TMEM114: variants seen among roughly 807,000 people sequenced by gnomAD.
The protein encoded by TMEM114 is transmembrane protein 114.
Under a neutral mutation model 6.2 loss-of-function variants are expected in TMEM114, and 6 were observed. That is an observed-to-expected ratio of 0.97 (90% CI 0.53 to 1.91). The LOEUF (loss-of-function observed/expected upper bound fraction) is 1.91. TMEM114 is among the 40% of genes most tolerant of loss of function. The probability of loss-of-function intolerance (pLI) is 0.01; values close to 1 mark genes in which losing one functional copy is unlikely to be tolerated. For synonymous variants in TMEM114, 104 were observed against 73.0 expected, an observed-to-expected ratio of 1.42 and a Z score of -2.16; for missense variants, 218 against 158.3, an observed-to-expected ratio of 1.38 and a Z score of -2.02.
Position 8,552,391 on chromosome 16 carries a change from GA to G in TMEM114, n.213-14566del, listed in dbSNP as rs199561635. ...AGAGTGAGACTCTATTTCTTTAAAAGAAAAAAAAAATACTACAAAGGGTAGC... is the reference window on the plus strand; with the variant it reads ...AGAGTGAGACTCTATTTCTTTAAAAGAAAAAAAAATACTACAAAGGGTAGC... On this transcript the variant is annotated intron_variant and non_coding_transcript_variant, in intron 2 of 2. Coordinates refer to the TMEM114 transcript ENST00000623677. Among the ~76,000 whole-genome samples, 204 of 145,660 alleles carry G rather than the reference GA, an allele frequency of 1.4e-3. 1 individual carries two copies. Among genetic ancestry groups the G allele is most frequent in the African/African-American group, 4.5e-3 (177 of 39,750 alleles).
chr16:8,583,662 T>A (rs1337587451), intron 2 of TMEM114, among the ~76,000 whole-genome samples: 1 of 151,822 alleles, frequency 6.6e-6, no homozygotes, highest in Non-Finnish European at 1.5e-5. Flanking sequence ...GCAGGAGAAT[T>A]GCTTGAGCCT....
chr16:8,551,158 A>C (rs558666160), intron 2 of TMEM114, among the ~76,000 whole-genome samples: 28 of 152,242 alleles, frequency 1.8e-4, no homozygotes, highest in African/African-American at 6.5e-4. Context: ...ATCCCCTAGA[A>C]TTCTGGTTTT....
chr16:8,569,535 G>T lies in TMEM114; in HGVS notation c.*238C>A, dbSNP rs548326982. On this transcript the variant is annotated 3_prime_UTR_variant, in exon 4 of 4. Coordinates refer to ENST00000620492, the MANE Select transcript of TMEM114 (RefSeq NM_001146336.2). Reference sequence around the variant, plus strand: ...GGATCGTTTTTATTTCTCGCGAAGCGGTTTGGCACTCCCTCGGGCTCCTCC... The same window carrying T: ...GGATCGTTTTTATTTCTCGCGAAGCTGTTTGGCACTCCCTCGGGCTCCTCC... 17 of 1,397,652 alleles carry T rather than the reference G, an allele frequency of 1.2e-5. No homozygotes were observed. The East Asian group carries it at 3.9e-4, about 32-fold the overall frequency. 86.6% of individuals were successfully genotyped at this position (1,397,652 alleles called of 1,614,324 possible). A position where few individuals can be genotyped will look rare whatever the true frequency, so the allele number is the denominator to read the frequency against.
chr16:8,544,367 G>T (rs962093769), intron 2 of TMEM114, among the ~76,000 whole-genome samples: 2 of 152,204 alleles, frequency 1.3e-5, no homozygotes, highest in African/African-American at 4.8e-5. Context: ...ATATAGAGAA[G>T]AAAACACATG....
intron 2 of TMEM114, among the ~76,000 whole-genome samples, chr16:8,550,991 A>C (rs1318141483): frequency 6.6e-6 from 1 of 152,218 alleles, no homozygotes; most frequent in Non-Finnish European, 1.5e-5. Flanking sequence ...TGAATGATAC[A>C]TGGTTCTAAC....
chr16:8,553,349 C>G (rs558272505), intron 2 of TMEM114, among the ~76,000 whole-genome samples: 1 of 152,154 alleles, frequency 6.6e-6, no homozygotes, highest in Non-Finnish European at 1.5e-5. Flanking sequence ...TTCAGGAGAA[C>G]GAAAATAGCT....
chr16:8,583,532 C>T (rs181770381), intron 2 of TMEM114, among the ~76,000 whole-genome samples: 87 of 152,124 alleles, frequency 5.7e-4, no homozygotes, highest in African/African-American at 2.0e-3. Context: ...GTCGCTTGAG[C>T]CCAGGAGTTT....
In TMEM114 at chr16:8,551,260, G is replaced by A. The variant is rs369793275; in HGVS notation, n.213-13434C>T. ...GAGGCAGGGGAAATGCAAGTTTCAC[G>A]CTCCTGGAATGGCTGCAAGCAAGAC... On this transcript the variant is annotated intron_variant and non_coding_transcript_variant, in intron 2 of 2. Transcript: ENST00000623677. Among the ~76,000 whole-genome samples the A allele has an allele frequency of 6.6e-5, 10 of 152,174 alleles. 1 individual carries two copies. Among genetic ancestry groups the A allele is most frequent in the East Asian group, 3.9e-4 (2 of 5,170 alleles).
intron 2 of TMEM114, among the ~76,000 whole-genome samples, chr16:8,552,338 C>G (rs1022934581): frequency 6.6e-6 from 1 of 151,970 alleles, no homozygotes; most frequent in African/African-American, 2.4e-5. Context: ...GAGCTATATT[C>G]ACTCCACTGC....
At chr16:8,544,577 T>C (rs1434262791) in intron 2 of TMEM114, among the ~76,000 whole-genome samples, 2 of 152,190 alleles carry the variant, frequency 1.3e-5, no homozygotes, top group Non-Finnish European at 2.9e-5. Flanking sequence ...AAATGAGGAA[T>C]GATAGCTCAT....
At chr16:8,535,082 G>A (rs953738136), downstream of TMEM114, among the ~76,000 whole-genome samples, 6 of 152,124 alleles carry the variant, frequency 3.9e-5, no homozygotes, top group African/African-American at 1.4e-4. Flanking sequence ...GGTGTGAGTG[G>A]TGGGAAGTCT....
At chr16:8,540,068 C>T (rs150615175) in intron 2 of TMEM114, among the ~76,000 whole-genome samples, 183 of 152,296 alleles carry the variant, frequency 1.2e-3, no homozygotes, top group African/African-American at 4.3e-3. Context: ...AGGTGATCCA[C>T]CCGCCTCAGC....
At position 8,589,653 on chromosome 16, in the gene TMEM114, C is replaced by G. The variant is rs1902422735; in HGVS notation, c.186G>C (p.Leu62=). 2 of 398,446 alleles carry G rather than the reference C, an allele frequency of 5.0e-6. No homozygotes were observed. Among genetic ancestry groups the G allele is most frequent in the Non-Finnish European group, 8.8e-6 (2 of 226,040 alleles). 24.7% of individuals were successfully genotyped at this position (398,446 alleles called of 1,614,324 possible). A position where few individuals can be genotyped will look rare whatever the true frequency, so the allele number is the denominator to read the frequency against. Residue 62 remains leucine (L), a synonymous_variant, in exon 1 of 4, where the codon CTG becomes CTC. Coordinates refer to ENST00000620492, the MANE Select transcript of TMEM114 (RefSeq NM_001146336.2). ...GSINRSQPEP[L]SSHSGLWRTC... is the part of the protein sequence containing the mutation. ...TCCGCCAGAGGCCGGAGTGGGAGCT[C>G]AGAGGCTCGGGCTGGCTGCGATTGA...
In TMEM114 at chr16:8,579,462, A is replaced by G. The variant is rs74907758; in HGVS notation, c.302-7238T>C. Reference sequence around the variant, plus strand: ...CAGTAGCTTTTAAAATTTTATATATATATATATGTGTGTCCTTGAGTCTGT... The same window carrying G: ...CAGTAGCTTTTAAAATTTTATATATGTATATATGTGTGTCCTTGAGTCTGT... On this transcript the variant is annotated intron_variant, in intron 2 of 3. Transcript: ENST00000620492. 1.6e-3 allele frequency among the ~76,000 whole-genome samples: 243 copies of G among 151,394 alleles called. 6 individuals are homozygous for G. The East Asian group carries it at 0.027, about 17-fold the overall frequency.
intron 2 of TMEM114, among the ~76,000 whole-genome samples, chr16:8,573,038 AAGG>A (rs1296634222): frequency 6.6e-6 from 1 of 152,196 alleles, no homozygotes; most frequent in Non-Finnish European, 1.5e-5. Flanking sequence ...TTGTCACCAC[AAGG>A]AGGAGCCTCA....
chr16:8,543,512 C>G (rs189817707), intron 2 of TMEM114, among the ~76,000 whole-genome samples: 1 of 151,848 alleles, frequency 6.6e-6, no homozygotes, highest in East Asian at 1.9e-4. Context: ...TCCTCCAAAA[C>G]TTTGCACTTG....
chr16:8,532,454 C>G, the TMEM114 span, among the ~76,000 whole-genome samples: 3 of 152,270 alleles, frequency 2.0e-5, no homozygotes, highest in Admixed American at 6.5e-5. Flanking sequence ...GGACACCAGT[C>G]ACTCCTGTCT....
chr16:8,542,180 G>A (rs1900536563), intron 2 of TMEM114, among the ~76,000 whole-genome samples: 1 of 151,878 alleles, frequency 6.6e-6, no homozygotes. Flanking sequence ...TGTGAAACCA[G>A]GTACCCCTCT....
chr16:8,540,309 A>T (rs1249195185), intron 2 of TMEM114, among the ~76,000 whole-genome samples: 1 of 152,158 alleles, frequency 6.6e-6, no homozygotes, highest in Non-Finnish European at 1.5e-5. Flanking sequence ...TAGAGGTAGG[A>T]GCTCTGGAGT....
Sources: allele counts gnomAD v4.1 joint callset (sites outside exome capture counted in the v4.1 genomes callset), GRCh38; gene constraint gnomAD v4.1.1; transcripts MANE v1.5; gene names NCBI Gene and HGNC (gene_info 2026-07-23, HGNC 2026-07-21).